GLP2R: variants seen among roughly 807,000 people sequenced by gnomAD.
GLP2R encodes the protein glucagon-like peptide 2 receptor.
In GLP2R, 59 loss-of-function variants were observed where a neutral mutation model predicts 68.2. The observed-to-expected ratio is 0.87, with a 90% CI of 0.70 to 1.07. GLP2R has a LOEUF of 1.07. Among genes scored for constraint, GLP2R ranks in the 50% least tolerant of loss-of-function variants. GLP2R has a pLI of 0.00. For missense variants in GLP2R, 548 were observed against 677.4 expected (o/e 0.81, Z 2.12); for synonymous variants, 270 against 265.4 (o/e 1.02, Z -0.17).
intron 4 of GLP2R, 114 bp from the exon 5 acceptor site, chr17:9,854,380 TA>T (rs1183954393): frequency 1.8e-5 from 13 of 705,722 alleles, no homozygotes; most frequent in Non-Finnish European, 3.1e-5. Context: ...AGGAAACATT[TA>T]AAAAAATGTT....
chr17:9,865,892 A>G (rs1183343684), intron 9 of GLP2R: 1 of 471,220 alleles, frequency 2.1e-6, no homozygotes, highest in Non-Finnish European at 4.4e-6. Flanking sequence ...TTTGGTCACA[A>G]GGAAGACATT....
intron 9 of GLP2R, among the ~76,000 whole-genome samples, chr17:9,869,337 A>G (rs181968923): frequency 6.6e-6 from 1 of 152,208 alleles, no homozygotes; most frequent in Non-Finnish European, 1.5e-5. Flanking sequence ...CTGGCTCTTC[A>G]TTGCTTTCAG....
chr17:9,838,563 C>T (rs2152032309), intron 3 of GLP2R, among the ~76,000 whole-genome samples: 2 of 152,258 alleles, frequency 1.3e-5, no homozygotes, highest in Middle Eastern at 3.4e-3. Context: ...AACACAGATC[C>T]ATTCCACTGT....
chr17:9,879,295 T>A (rs568292326), intron 10 of GLP2R, among the ~76,000 whole-genome samples: 29 of 30,782 alleles, frequency 9.4e-4, no homozygotes, highest in Admixed American at 1.6e-3. Flanking sequence ...ATAAAATAAA[T>A]AAAATAAAAT....
In GLP2R at chr17:9,891,661, T is replaced by A. The variant is rs892844114; in HGVS notation, c.*1956T>A. On this transcript the variant is annotated 3_prime_UTR_variant, in exon 13 of 13. Coordinates refer to ENST00000262441, the MANE Select transcript of GLP2R (RefSeq NM_004246.3). ...TCACCCCATAGTCCAGCCCTGGTTT[T>A]AGGATGGGGATGGAGGCAAAGGCAT... 6.6e-6 allele frequency: 1 copy of A among 152,238 alleles called. No individual in the cohort carries two copies. The highest frequency in any genetic ancestry group is 1.5e-5 in the Non-Finnish European group (1 of 68,032). 9.4% of individuals were successfully genotyped at this position (152,238 alleles called of 1,614,324 possible).
At chr17:9,873,923 T>C (rs531303997) in intron 10 of GLP2R, among the ~76,000 whole-genome samples, 23 of 152,290 alleles carry the variant, frequency 1.5e-4, no homozygotes, top group African/African-American at 5.3e-4. Context: ...AGCCTCAATG[T>C]TCTCTTTTCC....
chr17:9,873,639 T>C (rs1285012605), intron 10 of GLP2R, among the ~76,000 whole-genome samples: 2 of 147,822 alleles, frequency 1.4e-5, no homozygotes, highest in African/African-American at 5.1e-5. Flanking sequence ...CAACTCTTCT[T>C]CTTCCAACGG....
At chr17:9,870,607 C>T in intron 9 of GLP2R, 140 bp from the exon 10 acceptor site, 2 of 678,762 alleles carry the variant, frequency 2.9e-6, no homozygotes, top group Admixed American at 4.3e-5. Context: ...TAAGCATTTA[C>T]TACCTGGCCA....
In GLP2R at chr17:9,890,005, G is replaced by A. The variant is rs2067278012; in HGVS notation, c.*300G>A. On this transcript the variant is annotated 3_prime_UTR_variant, in exon 13 of 13. Coordinates refer to ENST00000262441, the MANE Select transcript of GLP2R (RefSeq NM_004246.3). ...CAAGCCAATGAAGTCCCACCATGAA[G>A]AGAGGTCTCCTGTTATAGAGAAGCC... is the stretch of plus-strand genomic sequence containing the variant. The A allele has an allele frequency of 2.0e-6, 1 of 507,630 alleles. No individual in the cohort carries two copies. The highest frequency in any genetic ancestry group is 3.8e-6 in the Non-Finnish European group (1 of 261,000). The allele number at this position is 507,630 out of a possible 1,614,324, so 31.4% of individuals were successfully genotyped here.
At chr17:9,867,770 C>A (rs2067053129) in intron 9 of GLP2R, among the ~76,000 whole-genome samples, 1 of 152,142 alleles carries the variant, frequency 6.6e-6, no homozygotes, top group Non-Finnish European at 1.5e-5. Context: ...CATCTGTTGA[C>A]TTTATGAAAT....
At chr17:9,886,424 C>T (rs1197533329) in intron 11 of GLP2R, among the ~76,000 whole-genome samples, 1 of 152,156 alleles carries the variant, frequency 6.6e-6, no homozygotes, top group Admixed American at 6.5e-5. Flanking sequence ...GAAAAAGACA[C>T]ATTTGTCATG....
At chr17:9,870,702 G>A (rs1342044706) in intron 9 of GLP2R, 45 bp from the exon 10 acceptor site, 2 of 884,600 alleles carry the variant, frequency 2.3e-6, no homozygotes, top group Admixed American at 3.4e-5. Flanking sequence ...TCACAGCTAT[G>A]TGGAATTCGT....
chr17:9,825,929 C>A lies in GLP2R; in HGVS notation c.-135C>A. 1 of 734,360 alleles carries A rather than the reference C, an allele frequency of 1.4e-6. No homozygotes were observed. The highest frequency in any genetic ancestry group is 2.2e-6 in the Non-Finnish European group (1 of 450,950). 45.5% of individuals were successfully genotyped at this position (734,360 alleles called of 1,614,324 possible). A position where few individuals can be genotyped will look rare whatever the true frequency, so the allele number is the denominator to read the frequency against. ...AGATTGCTCTAGACCGCCTCAGACA[C>A]TCTCGGCGCAGCGTGGAGAGGATTT... On this transcript the variant is annotated 5_prime_UTR_variant, in exon 1 of 13. Coordinates refer to ENST00000262441, the MANE Select transcript of GLP2R (RefSeq NM_004246.3).
intron 5 of GLP2R, among the ~76,000 whole-genome samples, chr17:9,856,193 C>T (rs1178542632): frequency 1.3e-5 from 2 of 152,180 alleles, no homozygotes; most frequent in Non-Finnish European, 2.9e-5. Flanking sequence ...TCTGTGACCT[C>T]CTTCCTTCAT....
chr17:9,887,859 G>A (rs145537086), intron 11 of GLP2R, 73 bp from the exon 12 acceptor site: 114 of 1,074,270 alleles, frequency 1.1e-4, no homozygotes, highest in Non-Finnish European at 1.5e-4. Flanking sequence ...GCAGGGCTTT[G>A]GACGTTGCCA....
intron 9 of GLP2R, among the ~76,000 whole-genome samples, chr17:9,868,084 A>G (rs2067056922): frequency 6.6e-6 from 1 of 152,240 alleles, no homozygotes; most frequent in Admixed American, 6.5e-5. Context: ...AATAAGCCAG[A>G]GCCTAGGTAA....
chr17:9,850,287 C>A (rs1245513058), intron 4 of GLP2R, among the ~76,000 whole-genome samples: 1 of 152,174 alleles, frequency 6.6e-6, no homozygotes, highest in Non-Finnish European at 1.5e-5. Context: ...GACAGTTGAA[C>A]AAAATCCTGT....
At chr17:9,841,683 A>T (rs551534281) in intron 3 of GLP2R, among the ~76,000 whole-genome samples, 1 of 152,160 alleles carries the variant, frequency 6.6e-6, no homozygotes, top group African/African-American at 2.4e-5. Context: ...TGAGATGTCA[A>T]TTAGACACCC....
intron 10 of GLP2R, 36 bp from the exon 11 acceptor site, chr17:9,880,342 T>C (rs1352644562): frequency 6.2e-6 from 9 of 1,446,292 alleles, no homozygotes; most frequent in Non-Finnish European, 2.9e-6. Flanking sequence ...GTTCCCCATG[T>C]GGCCCTCTTG....
Sources: gnomAD v4.1 joint callset for allele counts (sites outside exome capture counted in the v4.1 genomes callset) on GRCh38, gnomAD v4.1.1 for gene constraint, MANE v1.5 for transcripts, NCBI Gene and HGNC (gene_info 2026-07-23, HGNC 2026-07-21) for gene names.